Variants in SEMA5A observed in about 807,000 individuals in gnomAD.
SEMA5A encodes the protein semaphorin-5A.
SEMA5A carries 55 observed loss-of-function variants against 135.5 expected under a neutral mutation model. The ratio of observed to expected loss-of-function variants is 0.41; its 90% CI spans 0.33 to 0.51. The LOEUF is 0.51. Among genes scored for constraint, SEMA5A ranks in the 20% least tolerant of loss-of-function variants. The pLI is 0.37. For synonymous variants in SEMA5A, 580 were observed against 546.5 expected (o/e 1.06, Z -0.85); for missense variants, 1,290 against 1,419.9 (o/e 0.91, Z 1.47).
chr5:9,098,447 G>T (rs1292457093), intron 16 of SEMA5A, among the ~76,000 whole-genome samples: 2 of 152,104 alleles, frequency 1.3e-5, no homozygotes, highest in Non-Finnish European at 2.9e-5. Flanking sequence ...GTTCTTTATG[G>T]ATAATCAATT....
intron 1 of SEMA5A, among the ~76,000 whole-genome samples, chr5:9,446,915 A>G (rs1332030988): frequency 2.6e-5 from 4 of 152,216 alleles, no homozygotes; most frequent in African/African-American, 9.6e-5. Flanking sequence ...AATGCCGGCC[A>G]CAGATTAAAC....
chr5:9,408,792 G>T (rs1008704215), intron 2 of SEMA5A, among the ~76,000 whole-genome samples: 11 of 152,186 alleles, frequency 7.2e-5, no homozygotes, highest in Admixed American at 2.6e-4. Context: ...CCAATGTGTA[G>T]CTACTCTACA....
chr5:9,137,111 T>A (rs1741802782), intron 12 of SEMA5A, among the ~76,000 whole-genome samples: 2 of 152,138 alleles, frequency 1.3e-5, no homozygotes. Flanking sequence ...ATCACCATAA[T>A]CATCATCGTT....
At chr5:9,453,579 C>T (rs1028560969) in intron 1 of SEMA5A, among the ~76,000 whole-genome samples, 1 of 152,074 alleles carries the variant, frequency 6.6e-6, no homozygotes, top group Admixed American at 6.5e-5. Context: ...ACCATGAGTT[C>T]AATGTTAATG....
intron 16 of SEMA5A, among the ~76,000 whole-genome samples, chr5:9,084,798 T>C (rs150388661): frequency 8.5e-4 from 129 of 152,176 alleles, no homozygotes; most frequent in African/African-American, 3.0e-3. Flanking sequence ...AACTGGGTAA[T>C]AGGTAGAGGT....
At chr5:9,403,862 A>G (rs268487) in intron 2 of SEMA5A, among the ~76,000 whole-genome samples, 83,705 of 152,048 alleles carry the variant, frequency 0.55, 23,418 homozygotes, top group African/African-American at 0.63. Context: ...AAAGGTCTGG[A>G]TATAGAGTGT....
chr5:9,108,509 T>C (rs1740051320), intron 15 of SEMA5A, among the ~76,000 whole-genome samples: 1 of 152,028 alleles, frequency 6.6e-6, no homozygotes, highest in African/African-American at 2.4e-5. Context: ...ATGAAGAAAA[T>C]GCTAAACTCA....
At chr5:9,169,538 GT>G (rs1255883059) in intron 11 of SEMA5A, among the ~76,000 whole-genome samples, 2 of 152,180 alleles carry the variant, frequency 1.3e-5, no homozygotes, top group Non-Finnish European at 2.9e-5. Flanking sequence ...ACTGTGTAAT[GT>G]TCACGTGATG....
chr5:9,466,536 G>A (rs552434589), intron 1 of SEMA5A, among the ~76,000 whole-genome samples: 43 of 152,046 alleles, frequency 2.8e-4, no homozygotes, highest in Admixed American at 5.9e-4. Flanking sequence ...TTAGAGAGGG[G>A]GTTTGAAAAA....
chr5:9,471,095 C>A (rs1759459985), intron 1 of SEMA5A, among the ~76,000 whole-genome samples: 1 of 152,186 alleles, frequency 6.6e-6, no homozygotes, highest in Non-Finnish European at 1.5e-5. Context: ...AGAACTGACT[C>A]TGCTTTCTGC....
chr5:9,227,830 G>A (rs1167646486), intron 6 of SEMA5A, among the ~76,000 whole-genome samples: 2 of 152,204 alleles, frequency 1.3e-5, no homozygotes, highest in Non-Finnish European at 2.9e-5. Flanking sequence ...GATTACAGGC[G>A]TGAGCCGCCA....
chr5:9,371,075 A>T (rs1755116211), intron 3 of SEMA5A, among the ~76,000 whole-genome samples: 1 of 152,210 alleles, frequency 6.6e-6, no homozygotes, highest in South Asian at 2.1e-4. Context: ...TCCCAGTTTT[A>T]ACTCAATCAA....
At chr5:9,330,416 G>GTTTTTTT (rs11386960) in intron 4 of SEMA5A, among the ~76,000 whole-genome samples, 2 of 149,074 alleles carry the variant, frequency 1.3e-5, no homozygotes, top group African/African-American at 5.0e-5. Flanking sequence ...GTACAGATTA[G>GTTTTTTT]TTTTTTTTGT....
intron 1 of SEMA5A, among the ~76,000 whole-genome samples, chr5:9,533,535 A>G (rs541919604): frequency 1.3e-5 from 2 of 152,296 alleles, no homozygotes; most frequent in African/African-American, 4.8e-5. Context: ...AATTGATACT[A>G]TTTTCAGAAT....
At chr5:9,303,545 C>A (rs1166604175) in intron 5 of SEMA5A, among the ~76,000 whole-genome samples, 2 of 151,956 alleles carry the variant, frequency 1.3e-5, no homozygotes, top group Non-Finnish European at 2.9e-5. Context: ...TTGTAGCATA[C>A]ATTTATGTTT....
chr5:9,168,294 G>A (rs753967313), intron 11 of SEMA5A, among the ~76,000 whole-genome samples: 3 of 152,158 alleles, frequency 2.0e-5, no homozygotes, highest in African/African-American at 4.8e-5. Context: ...GAGGACCATC[G>A]TCAATCATTA....
At chr5:9,256,041 C>G (rs916152751) in intron 5 of SEMA5A, among the ~76,000 whole-genome samples, 2 of 152,162 alleles carry the variant, frequency 1.3e-5, no homozygotes, top group Non-Finnish European at 2.9e-5. Flanking sequence ...CTGGAACTAA[C>G]AAACAAAACT....
At chr5:9,529,608 A>G (rs1737332928) in intron 1 of SEMA5A, among the ~76,000 whole-genome samples, 1 of 152,228 alleles carries the variant, frequency 6.6e-6, no homozygotes, top group African/African-American at 2.4e-5. Flanking sequence ...CAACAGTATT[A>G]AGACATCTAC....
chr5:9,073,131 A>C (rs758095902), intron 16 of SEMA5A, among the ~76,000 whole-genome samples: 1 of 152,142 alleles, frequency 6.6e-6, no homozygotes, highest in Non-Finnish European at 1.5e-5. Flanking sequence ...CAAAGACAGA[A>C]AGAAAGAAAA....
Sources: gnomAD v4.1 joint callset for allele counts (sites outside exome capture counted in the v4.1 genomes callset) on GRCh38, gnomAD v4.1.1 for gene constraint, MANE v1.5 for transcripts, NCBI Gene and HGNC (gene_info 2026-07-23, HGNC 2026-07-21) for gene names.